The following FRS2 variants were observed in gnomAD, a reference collection of about 807,000 sequenced individuals.
The protein encoded by FRS2 is FGFR signalling adaptor.
Under a neutral mutation model 43.9 loss-of-function variants are expected in FRS2, and 8 were observed. The observed-to-expected ratio is 0.18, with a 90% CI of 0.11 to 0.33. FRS2 has a LOEUF of 0.33. FRS2 is among the 10% of genes least tolerant of loss of function. The pLI, the probability that FRS2 is intolerant of heterozygous loss-of-function variation, is 1.00. For synonymous variants in FRS2, 219 were observed against 220.3 expected, an observed-to-expected ratio of 0.99 and a Z score of 0.05; for missense variants, 534 against 627.6, an observed-to-expected ratio of 0.85 and a Z score of 1.59.
rs1881044252 is a variant in FRS2, at chr12:69,574,560, T to C, written c.1132T>C (p.Ser378Pro). The change falls in exon 9 of 9, where the codon TCT (serine) becomes CCT (proline). Residue 378 changes from serine (S) to proline (P), a missense_variant. Coordinates refer to ENST00000549921, the MANE Select transcript of FRS2 (RefSeq NM_001278356.2). ...TGACAATTTAGGACCAAAGACCCCA[T>C]CTCTAAATGGCTACCATAATAATCT... The part of the protein sequence containing the change: ...EDDNLGPKTP[S>P]LNGYHNNLDP... 2 of 1,614,058 alleles carry C rather than the reference T, an allele frequency of 1.2e-6. No homozygotes were observed. The highest frequency in any genetic ancestry group is 1.7e-6 in the Non-Finnish European group (2 of 1,179,982).
chr12:69,511,258 C>T (rs2135574392), intron 1 of FRS2, among the ~76,000 whole-genome samples: 1 of 152,278 alleles, frequency 6.6e-6, no homozygotes, highest in Middle Eastern at 3.4e-3. Flanking sequence ...ATTCATTAAG[C>T]AGTCAATGAA....
intron 3 of FRS2, among the ~76,000 whole-genome samples, chr12:69,535,045 A>G (rs555517013): frequency 4.3e-4 from 66 of 152,224 alleles, no homozygotes; most frequent in Non-Finnish European, 7.1e-4. Flanking sequence ...TGGCACTGTA[A>G]TTTCAGAATG....
At chr12:69,528,041 G>A (rs188047413) in intron 1 of FRS2, among the ~76,000 whole-genome samples, 17 of 152,316 alleles carry the variant, frequency 1.1e-4, no homozygotes, top group Admixed American at 4.6e-4. Flanking sequence ...CAGTTTTGCA[G>A]CAATTCTAGA....
chr12:69,562,054 T>C, intron 3 of FRS2, 126 bp from the exon 4 acceptor site: 2 of 390,212 alleles, frequency 5.1e-6, no homozygotes, highest in Non-Finnish European at 9.0e-6. Flanking sequence ...ATACTTTTTA[T>C]TCAATCTTTT....
Position 69,533,696 on chromosome 12 carries a change from A to C in FRS2, c.-122+1640A>C, listed in dbSNP as rs149325908. ...CTGTTTACTTAAAGGTTATGTGTCT[A>C]GTTTTGATGGGTGGGAAATTAGAAT... On this transcript the variant is annotated intron_variant, in intron 3 of 8. Transcript: ENST00000549921. Among the ~76,000 whole-genome samples the C allele has an allele frequency of 6.6e-5, 10 of 152,254 alleles. No homozygotes were observed. The East Asian group carries it at 1.9e-3, about 29-fold the overall frequency.
intron 4 of FRS2, among the ~76,000 whole-genome samples, chr12:69,562,608 T>C (rs1344296761): frequency 6.6e-6 from 1 of 152,246 alleles, no homozygotes; most frequent in Non-Finnish European, 1.5e-5. Flanking sequence ...TTTAAAGTAT[T>C]CAGCAAACTT....
Position 69,574,593 on chromosome 12 carries a change from A to T in FRS2, c.1165A>T (p.Met389Leu), listed in dbSNP as rs778440805. 6.2e-7 allele frequency: 1 copy of T among 1,614,068 alleles called. No individual in the cohort carries two copies. The highest frequency in any genetic ancestry group is 1.1e-5 in the South Asian group (1 of 91,082). Residue 389 changes from methionine to leucine, a missense_variant, in exon 9 of 9, where the codon ATG becomes TTG. Coordinates refer to ENST00000549921, the MANE Select transcript of FRS2 (RefSeq NM_001278356.2). ...LNGYHNNLDP[M>L]HNYVNTENVT... Reference sequence around the variant, plus strand: ...TGGCTACCATAATAATCTAGATCCAATGCATAACTATGTAAATACAGAGAA... The same window carrying T: ...TGGCTACCATAATAATCTAGATCCATTGCATAACTATGTAAATACAGAGAA...
rs1203270482 is a variant in FRS2 at position 69,549,383 on chromosome 12, CTTTAATGTAAAGTAGTTCAGA to C, written c.-121-12792_-121-12772del. 2.0e-5 allele frequency among the ~76,000 whole-genome samples: 3 copies of C among 151,950 alleles called. No individual in the cohort carries two copies. In the South Asian group the frequency reaches 6.2e-4, roughly 32 times the overall value. On this transcript the variant is annotated intron_variant, in intron 3 of 8. Transcript: ENST00000549921. ...CTGTTTTGTTGTGTCTTTTTGTTCC[CTTTAATGTAAAGTAGTTCAGA>C]TTTAGTTTAGTCCTTGAAATTTATT... is the stretch of plus-strand genomic sequence containing the variant.
Position 69,511,687 on chromosome 12 carries a change from CGT to C in FRS2, c.-260-19175_-260-19174del, listed in dbSNP as rs1874473178. 2.6e-5 allele frequency among the ~76,000 whole-genome samples: 4 copies of C among 152,034 alleles called. No homozygotes were observed. The South Asian group carries it at 8.3e-4, about 32-fold the overall frequency. The stretch of plus-strand genomic sequence containing the variant: ...AAAGGAATGGTAAACTGCTCATATC[CGT>C]GTTAGGGCCCCCATTTCTTACTATA... On this transcript the variant is annotated intron_variant, in intron 1 of 8. Transcript: ENST00000549921.
intron 1 of FRS2, among the ~76,000 whole-genome samples, chr12:69,497,468 G>A (rs985640359): frequency 6.6e-6 from 1 of 152,182 alleles, no homozygotes; most frequent in Non-Finnish European, 1.5e-5. Flanking sequence ...GGTAGAGGGG[G>A]TAAGATTGCT....
intron 1 of FRS2, among the ~76,000 whole-genome samples, chr12:69,505,624 G>A (rs189762495): frequency 6.6e-6 from 1 of 152,226 alleles, no homozygotes; most frequent in African/African-American, 2.4e-5. Context: ...CCAATAACTC[G>A]ACATTTTGAG....
rs151221849 is a variant in FRS2 at position 69,518,938 on chromosome 12, C to G, written c.-260-11927C>G. Among the ~76,000 whole-genome samples the G allele has an allele frequency of 1.0e-2, 1,466 of 147,308 alleles. 17 individuals carry two copies. The highest frequency in any genetic ancestry group is 0.017 in the Non-Finnish European group (1,153 of 67,424). On this transcript the variant is annotated intron_variant, in intron 1 of 8. Coordinates refer to ENST00000549921, the MANE Select transcript of FRS2 (RefSeq NM_001278356.2). The stretch of plus-strand genomic sequence containing the variant: ...CTGAGGCAGGAGAATCGCTTGAACC[C>G]GGGAAGCGGGTAGCGCCCTTGCACT...
Position 69,574,705 on chromosome 12 carries a change from G to A in FRS2, c.1277G>A (p.Arg426His), listed in dbSNP as rs945337284. 4.3e-6 allele frequency: 7 copies of A among 1,613,944 alleles called. No individual in the cohort carries two copies. Among genetic ancestry groups the A allele is most frequent in the East Asian group, 2.2e-5 (1 of 44,880 alleles). ...TPTVFNFDIR[R>H]PSLEHRQLNY... The stretch of plus-strand genomic sequence containing the variant: ...ACAGTCTTTAACTTTGATATCAGAC[G>A]CCCAAGTTTAGAACACAGGCAGCTT... The change falls in exon 9 of 9, where the codon CGC becomes CAC. Residue 426 changes from arginine to histidine, a missense_variant. Physicochemically the swap from Arg to His is conservative, Grantham distance 29. Transcript: ENST00000549921.
At chr12:69,494,370 A>G (rs1872706593) in intron 1 of FRS2, among the ~76,000 whole-genome samples, 1 of 152,184 alleles carries the variant, frequency 6.6e-6, no homozygotes, top group Non-Finnish European at 1.5e-5. Flanking sequence ...CTTCTGTTTC[A>G]GTTTTTCCTC....
At chr12:69,477,387 A>G (rs1008792706) in intron 1 of FRS2, among the ~76,000 whole-genome samples, 4 of 143,860 alleles carry the variant, frequency 2.8e-5, no homozygotes, top group African/African-American at 1.0e-4. Flanking sequence ...GGTTCACGCC[A>G]TTCTCCTGCC....
chr12:69,550,090 G>A (rs1307240197), intron 3 of FRS2, among the ~76,000 whole-genome samples: 1 of 152,190 alleles, frequency 6.6e-6, no homozygotes, highest in African/African-American at 2.4e-5. Flanking sequence ...CCATTTGGAT[G>A]TCTCACAGAC....
At chr12:69,510,974 A>G (rs569409727) in intron 1 of FRS2, among the ~76,000 whole-genome samples, 10 of 152,302 alleles carry the variant, frequency 6.6e-5, no homozygotes, top group African/African-American at 2.4e-4. Context: ...TGCCATTTAG[A>G]TAATAAACTG....
At chr12:69,490,051 A>G (rs1287204016) in intron 1 of FRS2, among the ~76,000 whole-genome samples, 1 of 152,162 alleles carries the variant, frequency 6.6e-6, no homozygotes, top group Non-Finnish European at 1.5e-5. Flanking sequence ...CAGATGGCCA[A>G]GTCATAATGT....
chr12:69,556,667 A>G (rs1364261424), intron 3 of FRS2, among the ~76,000 whole-genome samples: 1 of 152,146 alleles, frequency 6.6e-6, no homozygotes, highest in Non-Finnish European at 1.5e-5. Context: ...ATTTAGTTCT[A>G]GGTTAAAGTA....
Sources: gnomAD v4.1 joint callset for allele counts (sites outside exome capture counted in the v4.1 genomes callset) on GRCh38, gnomAD v4.1.1 for gene constraint, MANE v1.5 for transcripts, NCBI Gene and HGNC (gene_info 2026-07-23, HGNC 2026-07-21) for gene names.